The following APBB1IP variants were observed in gnomAD, a reference collection of about 807,000 sequenced individuals.
APBB1IP encodes the protein amyloid beta precursor protein binding family B member 1 interacting protein.
In APBB1IP, 27 loss-of-function variants were observed where a neutral mutation model predicts 64.9. That is an observed-to-expected ratio of 0.42 (90% CI 0.31 to 0.57). APBB1IP has a LOEUF of 0.57. Among genes scored for constraint, APBB1IP ranks in the 20% least tolerant of loss-of-function variants. The pLI, the probability that APBB1IP is intolerant of heterozygous loss-of-function variation, is 0.20. For missense variants in APBB1IP, 812 were observed against 845.5 expected, an observed-to-expected ratio of 0.96 and a Z score of 0.49; for synonymous variants, 392 against 331.0, an observed-to-expected ratio of 1.18 and a Z score of -2.00.
At chr10:26,460,438 C>A (rs1413212707) in intron 2 of APBB1IP, among the ~76,000 whole-genome samples, 2 of 152,146 alleles carry the variant, frequency 1.3e-5, no homozygotes, top group African/African-American at 4.8e-5. Context: ...GTGGAGAAAT[C>A]TCTTTCCCCT....
chr10:26,564,296 T>C (rs1038157439), intron 14 of APBB1IP, among the ~76,000 whole-genome samples: 1 of 152,114 alleles, frequency 6.6e-6, no homozygotes, highest in East Asian at 1.9e-4. Context: ...TATTATCTAT[T>C]CCAGTATTGG....
chr10:26,561,060 C>CTTT (rs1836962861), intron 13 of APBB1IP, among the ~76,000 whole-genome samples: 1 of 105,154 alleles, frequency 9.5e-6, no homozygotes, highest in African/African-American at 3.7e-5. Context: ...TTCTTTCTTT[C>CTTT]TTTCTTTTTT....
chr10:26,541,469 A>G (rs1050112372), intron 10 of APBB1IP, 113 bp from the exon 11 acceptor site: 26 of 734,612 alleles, frequency 3.5e-5, no homozygotes, highest in Non-Finnish European at 5.9e-5. Context: ...ATTACCTAAA[A>G]GTCAATATTT....
chr10:26,528,034 A>G (rs979017827), intron 8 of APBB1IP, among the ~76,000 whole-genome samples: 1 of 152,138 alleles, frequency 6.6e-6, no homozygotes, highest in Non-Finnish European at 1.5e-5. Flanking sequence ...GAACTCTGAC[A>G]TATTCTTCCC....
chr10:26,538,857 A>G (rs1214236221), intron 10 of APBB1IP, among the ~76,000 whole-genome samples: 3 of 152,214 alleles, frequency 2.0e-5, no homozygotes, highest in African/African-American at 7.2e-5. Flanking sequence ...ATCAAGGTAG[A>G]TCTCCTGCTG....
Position 26,518,437 on chromosome 10 carries a change from G to A in APBB1IP, c.813+4777G>A, listed in dbSNP as rs577680964. On this transcript the variant is annotated intron_variant, in intron 8 of 14. Transcript: ENST00000376236. ...TAGTTTTGGTATTTTTAGTAGAGAC[G>A]GGGTTTCACCATGTTGGCCAGGCTG... Among the ~76,000 whole-genome samples, 281 of 150,356 alleles carry A rather than the reference G, an allele frequency of 1.9e-3. 3 individuals carry two copies. The highest frequency in any genetic ancestry group is 6.5e-3 in the African/African-American group (264 of 40,842).
chr10:26,524,955 C>CTTTTTTTTTTTTTTTTTTTT (rs56982662), intron 8 of APBB1IP, among the ~76,000 whole-genome samples: 15 of 73,950 alleles, frequency 2.0e-4, no homozygotes, highest in East Asian at 5.5e-4. Context: ...TTCTTTCTTT[C>CTTTTTTTTTTTTTTTTTTTT]TTTTTTTTTT....
At chr10:26,525,257 G>A (rs1423864369) in intron 8 of APBB1IP, among the ~76,000 whole-genome samples, 3 of 151,918 alleles carry the variant, frequency 2.0e-5, no homozygotes, top group Non-Finnish European at 4.4e-5. Context: ...ACTCCAGCCT[G>A]GGTGACAGAG....
Position 26,500,972 on chromosome 10 carries a change from G to A in APBB1IP, c.314G>A (p.Ser105Asn). 1 of 1,614,162 alleles carries A rather than the reference G, an allele frequency of 6.2e-7. No homozygotes were observed. The highest frequency in any genetic ancestry group is 1.1e-5 in the South Asian group (1 of 91,080). Residue 105 changes from serine (S) to asparagine (N), a missense_variant, in exon 5 of 15, where the codon AGT becomes AAT. Physicochemically the swap from Ser to Asn is conservative, Grantham distance 46. Transcript: ENST00000376236. ...GCATCTCTACAAGCATCAATTTTCA[G>A]TGGTGCAGCCTCTCTTGGTTATGGA... is the stretch of plus-strand genomic sequence containing the variant. ...HSASLQASIF[S>N]GAASLGYGTN...
chr10:26,453,063 G>C (rs903413146), intron 2 of APBB1IP, among the ~76,000 whole-genome samples: 1 of 152,184 alleles, frequency 6.6e-6, no homozygotes, highest in African/African-American at 2.4e-5. Context: ...CCAGTACTAA[G>C]AGAGTTGAGG....
chr10:26,459,747 ATTG>A (rs1310504011), intron 2 of APBB1IP, among the ~76,000 whole-genome samples: 3 of 152,024 alleles, frequency 2.0e-5, no homozygotes, highest in African/African-American at 7.2e-5. Context: ...CATTTTCATT[ATTG>A]TTGTATCTTG....
intron 2 of APBB1IP, among the ~76,000 whole-genome samples, chr10:26,479,585 A>G (rs2132421246): frequency 6.6e-6 from 1 of 152,312 alleles, no homozygotes; most frequent in Admixed American, 6.5e-5. Context: ...AGAATATGCA[A>G]ACATTTGAAA....
chr10:26,502,599 A>G (rs1205419664), intron 5 of APBB1IP, among the ~76,000 whole-genome samples: 1 of 151,710 alleles, frequency 6.6e-6, no homozygotes, highest in Non-Finnish European at 1.5e-5. Flanking sequence ...CCAAGATCAC[A>G]CTACTGCACT....
chr10:26,496,434 A>G, intron 4 of APBB1IP, 43 bp downstream of exon 4: 1 of 1,438,192 alleles, frequency 7.0e-7, no homozygotes, highest in Non-Finnish European at 9.8e-7. Context: ...CAAAATCATA[A>G]TGATGATTCA....
rs757288624 is a variant in APBB1IP, at chr10:26,475,124, CT to C, written c.1-17187del. ...TTCCCTTGTTTTTTCTTTTTCTTTT[CT>C]TTTTTTTTTTTTTTTGAGATAGAGT... On this transcript the variant is annotated intron_variant, in intron 2 of 14. Coordinates refer to ENST00000376236, the MANE Select transcript of APBB1IP (RefSeq NM_019043.4). Among the ~76,000 whole-genome samples the C allele has an allele frequency of 5.8e-3, 801 of 138,130 alleles. 6 individuals are homozygous for C. The highest frequency in any genetic ancestry group is 0.038 in the South Asian group (166 of 4,320). 90.6% of individuals were successfully genotyped at this position (138,130 alleles called of 152,430 possible).
intron 2 of APBB1IP, among the ~76,000 whole-genome samples, chr10:26,490,943 C>CTA (rs928941620): frequency 2.0e-5 from 3 of 152,130 alleles, no homozygotes; most frequent in African/African-American, 7.2e-5. Context: ...TCAGTATGAG[C>CTA]TATAATTGGC....
At chr10:26,534,530 G>C (rs745649823) in intron 9 of APBB1IP, among the ~76,000 whole-genome samples, 2 of 152,122 alleles carry the variant, frequency 1.3e-5, no homozygotes, top group Non-Finnish European at 2.9e-5. Context: ...TTCCCACCTG[G>C]AGCCAATTGG....
At chr10:26,556,320 T>A (rs967255101) in intron 11 of APBB1IP, among the ~76,000 whole-genome samples, 1 of 152,244 alleles carries the variant, frequency 6.6e-6, no homozygotes, top group Non-Finnish European at 1.5e-5. Context: ...TGCTCTATAA[T>A]GTCTGCAAGG....
chr10:26,514,125 C>T (rs1401504481), intron 8 of APBB1IP, among the ~76,000 whole-genome samples: 2 of 152,150 alleles, frequency 1.3e-5, no homozygotes, highest in Non-Finnish European at 2.9e-5. Context: ...TAAACACAAA[C>T]TCAACTCTTA....
Sources: gnomAD v4.1 joint callset for allele counts (sites outside exome capture counted in the v4.1 genomes callset) on GRCh38, gnomAD v4.1.1 for gene constraint, MANE v1.5 for transcripts, NCBI Gene and HGNC (gene_info 2026-07-23, HGNC 2026-07-21) for gene names.